Variants in SLC16A5 observed in about 807,000 individuals in gnomAD.
SLC16A5 encodes the protein solute carrier family 16 member 5.
In SLC16A5, 29 loss-of-function variants were observed where a neutral mutation model predicts 33.2. That is an observed-to-expected ratio of 0.87 (90% confidence interval 0.65 to 1.19). SLC16A5 has a LOEUF of 1.19. Among genes scored for constraint, SLC16A5 ranks in the 50% most tolerant of loss-of-function variants. The probability of loss-of-function intolerance (pLI) is 0.00; values close to 1 mark genes in which losing one functional copy is unlikely to be tolerated. For missense variants in SLC16A5, 606 were observed against 678.2 expected, an observed-to-expected ratio of 0.89 and a Z score of 1.18; for synonymous variants, 248 against 284.1, an observed-to-expected ratio of 0.87 and a Z score of 1.28.
In SLC16A5 at chr17:75,105,905, C is replaced by A. The variant is rs749364227; in HGVS notation, c.1390C>A (p.Pro464Thr). Residue 464 changes from proline (P) to threonine (T), a missense_variant, in exon 7 of 7, where the codon CCA becomes ACA. By Grantham distance (38) the Pro-to-Thr change is conservative. Coordinates refer to ENST00000329783, the MANE Select transcript of SLC16A5 (RefSeq NM_004695.4). ...GTGCCAGTCTTCCCGCCAGCCACGT[C>A]CAGCTGGCGTCAATAAGCATCTTTG... ...IMCQSSRQPRPAGVNKHLWGC... is the reference protein window; with the variant it reads ...IMCQSSRQPRTAGVNKHLWGC... The A allele has an allele frequency of 6.8e-6, 11 of 1,607,388 alleles. No individual in the cohort carries two copies. The Admixed American group carries it at 1.7e-4, about 25-fold the overall frequency.
At position 75,100,459 on chromosome 17, in the gene SLC16A5, C is replaced by T. The variant is rs2073779080; in HGVS notation, c.796C>T (p.His266Tyr). 1.2e-6 allele frequency: 2 copies of T among 1,614,244 alleles called. No homozygotes were observed. Among genetic ancestry groups the T allele is most frequent in the Non-Finnish European group, 1.7e-6 (2 of 1,180,036 alleles). ...QVFLVPYAMW[H>Y]SVDEQQAALL... ...CTTCCTGGTGCCATATGCCATGTGG[C>T]ACAGCGTGGACGAGCAGCAGGCAGC... The change falls in exon 5 of 7, where the codon CAC becomes TAC. Residue 266 changes from histidine (H) to tyrosine (Y), a missense_variant. His to Tyr is a moderately conservative substitution (Grantham distance 83, BLOSUM62 2). Coordinates refer to ENST00000329783, the MANE Select transcript of SLC16A5 (RefSeq NM_004695.4).
In SLC16A5 at chr17:75,104,128, C is replaced by T. The variant is rs1262981397; in HGVS notation, c.1312C>T (p.Leu438Phe). 6.2e-7 allele frequency: 1 copy of T among 1,614,118 alleles called. No homozygotes were observed. The highest frequency in any genetic ancestry group is 8.5e-7 in the Non-Finnish European group (1 of 1,180,048). ...CGCGGCGGATGCCCTGGAGCGGGAT[C>T]TTTTCTTGGAAGCCAAAGACGGTCC... ...AVAADALERDLFLEAKDGPGK... is the reference protein window; with the variant it reads ...AVAADALERDFFLEAKDGPGK... The change falls in exon 6 of 7, where the codon CTT (leucine) becomes TTT (phenylalanine). Residue 438 changes from leucine to phenylalanine, a missense_variant. Leu to Phe is a conservative substitution (Grantham distance 22, BLOSUM62 0). Coordinates refer to ENST00000329783, the MANE Select transcript of SLC16A5 (RefSeq NM_004695.4).
intron 5 of SLC16A5, among the ~76,000 whole-genome samples, 182 bp from the exon 6 acceptor site, chr17:75,103,788 C>T (rs1393462908): frequency 6.6e-6 from 1 of 152,192 alleles, no homozygotes; most frequent in African/African-American, 2.4e-5. Flanking sequence ...CTGCCCAGGC[C>T]AGAGGAGGTT....
At chr17:75,106,592 T>TAAAAA (rs1381571531), downstream of SLC16A5, among the ~76,000 whole-genome samples, 36 of 93,474 alleles carry the variant, frequency 3.9e-4, 1 homozygote, top group African/African-American at 1.3e-3. Context: ...GTCTTTTTTT[T>TAAAAA]AAAAAAAAAA....
At chr17:75,105,179 G>C in intron 6 of SLC16A5, 1 of 985,466 alleles carries the variant, frequency 1.0e-6, no homozygotes, top group Non-Finnish European at 1.2e-6. Context: ...CCTGTGCAGA[G>C]AACGGGAGGG....
At chr17:75,093,398 G>A in intron 2 of SLC16A5, 191 bp from the exon 3 acceptor site, 6 of 1,535,610 alleles carry the variant, frequency 3.9e-6, no homozygotes, top group Non-Finnish European at 5.2e-6. Flanking sequence ...CTGGCTCTGG[G>A]AAGTGGGTGA....
intron 2 of SLC16A5, among the ~76,000 whole-genome samples, chr17:75,092,050 T>TGTGTGTGTGTGTGTGTGC (rs1555644943): frequency 2.0e-5 from 3 of 151,696 alleles, no homozygotes; most frequent in Non-Finnish European, 4.4e-5. Context: ...TGTGTGTGTG[T>TGTGTGTGTGTGTGTGTGC]GCACGCATGC....
intron 3 of SLC16A5, among the ~76,000 whole-genome samples, chr17:75,096,841 CTTTTTTT>C (rs71361652): frequency 1.1e-4 from 7 of 65,330 alleles, no homozygotes; most frequent in African/African-American, 1.5e-4. Context: ...CACTCCATCA[CTTTTTTT>C]TTTTTTTTTT....
intron 4 of SLC16A5, among the ~76,000 whole-genome samples, chr17:75,099,013 G>GC (rs1408398898): frequency 6.6e-6 from 1 of 152,170 alleles, no homozygotes; most frequent in Non-Finnish European, 1.5e-5. Flanking sequence ...CAGCCTGAGG[G>GC]CCCGCCTGAG....
At chr17:75,098,921 T>C (rs2073754444) in intron 4 of SLC16A5, among the ~76,000 whole-genome samples, 1 of 151,358 alleles carries the variant, frequency 6.6e-6, no homozygotes, top group African/African-American at 2.4e-5. Flanking sequence ...GAGGAGGTGT[T>C]GGGGGGCACA....
intron 3 of SLC16A5, 115 bp downstream of exon 3, chr17:75,093,950 A>G: frequency 7.0e-7 from 1 of 1,435,166 alleles, no homozygotes; most frequent in Admixed American, 2.3e-5. Flanking sequence ...CTCCTGGGTG[A>G]ATTCCTAAGG....
At chr17:75,105,041 G>T in intron 6 of SLC16A5, 2 of 985,432 alleles carry the variant, frequency 2.0e-6, no homozygotes. Flanking sequence ...CTTCCCAAGT[G>T]ACCCAGCCCT....
chr17:75,093,975 A>C, intron 3 of SLC16A5, 140 bp downstream of exon 3: 1 of 1,281,220 alleles, frequency 7.8e-7, no homozygotes, highest in Non-Finnish European at 1.1e-6. Flanking sequence ...ACCAGATTTC[A>C]CCAGGGGCCC....
At chr17:75,100,883 G>C (rs2073789720) in intron 5 of SLC16A5, 67 bp downstream of exon 5, 1 of 1,385,746 alleles carries the variant, frequency 7.2e-7, no homozygotes, top group Admixed American at 2.4e-5. Context: ...ACAGATCTGG[G>C]CCCAGTCCAG....
chr17:75,103,073 T>C (rs985488214), intron 5 of SLC16A5, among the ~76,000 whole-genome samples: 2 of 152,154 alleles, frequency 1.3e-5, no homozygotes, highest in Middle Eastern at 3.2e-3. Flanking sequence ...GTATTTTTAG[T>C]AGAGATGGGG....
chr17:75,097,204 C>T (rs768735433), intron 3 of SLC16A5, among the ~76,000 whole-genome samples: 11 of 152,212 alleles, frequency 7.2e-5, no homozygotes, highest in East Asian at 5.8e-4. Context: ...GCATCTCATG[C>T]GCACACACTT....
intron 5 of SLC16A5, among the ~76,000 whole-genome samples, chr17:75,103,357 TCTCA>T (rs1415327093): frequency 1.5e-5 from 2 of 131,784 alleles, no homozygotes; most frequent in African/African-American, 2.9e-5. Flanking sequence ...TTTAATGGAG[TCTCA>T]CTCTGTTGCC....
intron 3 of SLC16A5, among the ~76,000 whole-genome samples, chr17:75,094,430 T>C (rs1246436684): frequency 6.6e-6 from 1 of 152,188 alleles, no homozygotes; most frequent in Non-Finnish European, 1.5e-5. Context: ...CTTACGCCTG[T>C]AATCCCAGCA....
chr17:75,107,710 G>A (rs1299442443), downstream of SLC16A5, among the ~76,000 whole-genome samples: 1 of 152,120 alleles, frequency 6.6e-6, no homozygotes, highest in Non-Finnish European at 1.5e-5. Context: ...AGGCCAAGGC[G>A]GGTGGATCAC....
Sources: allele counts gnomAD v4.1 joint callset (sites outside exome capture counted in the v4.1 genomes callset), GRCh38; gene constraint gnomAD v4.1.1; transcripts MANE v1.5; gene names NCBI Gene and HGNC (gene_info 2026-07-23, HGNC 2026-07-21).